Variants in CYP4F12 observed in about 807,000 individuals in gnomAD.
CYP4F12 encodes cytochrome P450 4F12.
CYP4F12 carries 60 observed loss-of-function variants against 56.5 expected under a neutral mutation model. That is an observed-to-expected ratio of 1.06 (90% CI 0.86 to 1.32). The LOEUF (loss-of-function observed/expected upper bound fraction) is 1.32, where lower values mean the gene tolerates loss of function less well. Among genes scored for constraint, CYP4F12 ranks in the 40% most tolerant of loss-of-function variants. The pLI is 0.00. For synonymous variants in CYP4F12, 263 were observed against 264.9 expected, an observed-to-expected ratio of 0.99 and a Z score of 0.07; for missense variants, 711 against 683.5, an observed-to-expected ratio of 1.04 and a Z score of -0.45.
chr19:15,696,547 T>C, intron 12 of CYP4F12, 35 bp downstream of exon 12: 2 of 1,604,240 alleles, frequency 1.2e-6, no homozygotes, highest in African/African-American at 1.3e-5. Flanking sequence ...AGGGATGGGA[T>C]GATGGGTGCG....
Position 15,678,293 on chromosome 19 carries a change from G to T in CYP4F12, c.231G>T (p.Ser77=), listed in dbSNP as rs372064722. ...ITPTEEGLKN[S]TQMSATYSQG... The stretch of plus-strand genomic sequence containing the variant: ...CTACAGAGGAGGGCTTGAAGAACTC[G>T]ACCCAGATGTCGGCCACCTATTCCC... Residue 77 remains serine (S), a synonymous_variant, in exon 3 of 13, where the codon TCG becomes TCT. Transcript: ENST00000550308. 17 of 1,614,046 alleles carry T rather than the reference G, an allele frequency of 1.1e-5. 1 individual carries two copies. The South Asian group carries it at 1.3e-4, about 13-fold the overall frequency.
At chr19:15,683,357 C>T (rs928936044) in intron 6 of CYP4F12, 136 bp from the exon 7 acceptor site, 9 of 894,756 alleles carry the variant, frequency 1.0e-5, no homozygotes, top group African/African-American at 1.7e-5. Context: ...CTGATACCCA[C>T]CATGTATCTC....
intron 1 of CYP4F12, 70 bp from the exon 2 acceptor site, chr19:15,673,459 C>G (rs2006724636): frequency 6.6e-7 from 1 of 1,513,732 alleles, no homozygotes; most frequent in Admixed American, 1.7e-5. Context: ...CTGACTTCGC[C>G]CCTATACACT....
At chr19:15,693,792 G>C (rs1299524460) in intron 9 of CYP4F12, among the ~76,000 whole-genome samples, 1 of 148,282 alleles carries the variant, frequency 6.7e-6, no homozygotes, top group South Asian at 2.1e-4. Context: ...GTAATGCCTC[G>C]GTTTTCTTCT....
chr19:15,682,596 A>C, intron 6 of CYP4F12, 86 bp downstream of exon 6: 1 of 1,578,448 alleles, frequency 6.3e-7, no homozygotes, highest in South Asian at 1.1e-5. Context: ...AGTAACCAGA[A>C]GTACCTTTCG....
In CYP4F12 at chr19:15,696,183, T is replaced by A; in HGVS notation, c.1272T>A (p.Ile424=). 6.2e-7 allele frequency: 1 copy of A among 1,614,046 alleles called. No individual in the cohort carries two copies. Among genetic ancestry groups the A allele is most frequent in the South Asian group, 1.1e-5 (1 of 91,064 alleles). Residue 424 remains isoleucine, a synonymous_variant, in exon 11 of 13, where the codon ATT becomes ATA. Transcript: ENST00000550308. ...IPKGITCLID[I]IGVHHNPTVW... ...CAGGCATTACCTGCCTCATCGATATTATAGGGGTCCATCACAACCCAACTG... is the reference window on the plus strand; with the variant it reads ...CAGGCATTACCTGCCTCATCGATATAATAGGGGTCCATCACAACCCAACTG...
intron 2 of CYP4F12, among the ~76,000 whole-genome samples, chr19:15,676,047 T>A (rs1432929036): frequency 6.6e-6 from 1 of 152,072 alleles, no homozygotes; most frequent in African/African-American, 2.4e-5. Context: ...AAGGCCTGAG[T>A]CCCTGGAGTT....
In CYP4F12 at chr19:15,682,284, G is replaced by A. The variant is rs1459855445; in HGVS notation, c.526-105G>A. ...GCTGGCAATGGGTTCCTGGGGCAGA[G>A]GACCAGGAGGCTGGTTGTGGGGGAG... On this transcript the variant is annotated intron_variant, in intron 5 of 12. Transcript: ENST00000550308. The A allele has an allele frequency of 6.7e-6, 10 of 1,491,844 alleles. No individual in the cohort carries two copies. In the Admixed American group the frequency reaches 8.3e-5, roughly 12 times the overall value. The allele number at this position is 1,491,844 out of a possible 1,614,324, so 92.4% of individuals were successfully genotyped here. A position where few individuals can be genotyped will look rare whatever the true frequency, so the allele number is the denominator to read the frequency against.
Position 15,678,338 on chromosome 19 carries a change from G to A in CYP4F12, c.276G>A (p.Leu92=). 1 of 1,614,174 alleles carries A rather than the reference G, an allele frequency of 6.2e-7. No homozygotes were observed. Among genetic ancestry groups the A allele is most frequent in the Non-Finnish European group, 8.5e-7 (1 of 1,180,024 alleles). Residue 92 remains leucine (L), a synonymous_variant, in exon 3 of 13, where the codon CTG becomes CTA. Coordinates refer to ENST00000550308, the MANE Select transcript of CYP4F12 (RefSeq NM_023944.4). The stretch of plus-strand genomic sequence containing the variant: ...ATTCCCAGGGCTTTACGGTATGGCT[G>A]GGTCCCATCATCCCCTTCATCGTTT... ...ATYSQGFTVW[L]GPIIPFIVLC... is the part of the protein sequence containing the mutation.
intron 9 of CYP4F12, among the ~76,000 whole-genome samples, chr19:15,689,142 T>TC (rs2007756699): frequency 6.6e-6 from 1 of 151,648 alleles, no homozygotes; most frequent in Non-Finnish European, 1.5e-5. Flanking sequence ...ATAATAATAA[T>TC]AATAGCCGAC....
chr19:15,677,310 A>C (rs1367944683), intron 2 of CYP4F12, among the ~76,000 whole-genome samples: 4 of 8,126 alleles, frequency 4.9e-4, no homozygotes, highest in African/African-American at 8.2e-4. Flanking sequence ...TCCTCTGCTC[A>C]CTTAGTCATT....
At chr19:15,692,837 G>A (rs2007934136) in intron 9 of CYP4F12, among the ~76,000 whole-genome samples, 2 of 152,104 alleles carry the variant, frequency 1.3e-5, no homozygotes. Flanking sequence ...ACTTTGTGAG[G>A]CCAAGGTGGG....
chr19:15,695,157 G>A (rs1423933423), intron 9 of CYP4F12, among the ~76,000 whole-genome samples: 1 of 152,002 alleles, frequency 6.6e-6, no homozygotes, highest in Non-Finnish European at 1.5e-5. Flanking sequence ...ATACACCATG[G>A]AATACTATGC....
chr19:15,685,145 C>T lies in CYP4F12; in HGVS notation c.1063C>T (p.Arg355Ter), dbSNP rs201457952. 6.9e-5 allele frequency: 111 copies of T among 1,614,034 alleles called. No homozygotes were observed. The highest frequency in any genetic ancestry group is 8.1e-5 in the Non-Finnish European group (95 of 1,180,014). The change falls in exon 9 of 13, where the codon CGA becomes TGA. Residue 355 changes from arginine (R) to a stop codon, truncating the protein, a stop_gained. Coordinates refer to ENST00000550308, the MANE Select transcript of CYP4F12 (RefSeq NM_023944.4). LOFTEE classifies it high-confidence loss of function. ...ARHPEYQERC[R>*]QEVQELLKDR... is the part of the protein sequence containing the mutation. ...GCACCCAGAATACCAGGAGCGCTGC[C>T]GACAGGAGGTGCAAGAGCTTCTGAA...
chr19:15,679,441 C>A (rs10426695), intron 3 of CYP4F12, among the ~76,000 whole-genome samples: 137,763 of 152,204 alleles, frequency 0.91, 62,300 homozygotes, highest in East Asian at 1. Context: ...AGTTCTTGTC[C>A]GAAAGCTCAC....
At chr19:15,694,170 G>A (rs558114132) in intron 9 of CYP4F12, among the ~76,000 whole-genome samples, 134 of 150,674 alleles carry the variant, frequency 8.9e-4, no homozygotes, top group Non-Finnish European at 1.3e-3. Flanking sequence ...TTGGCGATGC[G>A]GGCTCCTTTT....
intron 6 of CYP4F12, 137 bp downstream of exon 6, chr19:15,682,647 G>T: frequency 7.5e-7 from 1 of 1,339,270 alleles, no homozygotes; most frequent in Admixed American, 2.0e-5. Context: ...GGTCGAGGAA[G>T]AGGAGAAAGT....
chr19:15,684,463 T>G, intron 7 of CYP4F12: 1 of 236,322 alleles, frequency 4.2e-6, no homozygotes, highest in Non-Finnish European at 8.1e-6. Flanking sequence ...CAATACATAA[T>G]TTCTAACCTC....
At chr19:15,680,795 C>T (rs1599956924) in intron 5 of CYP4F12, 4 of 473,760 alleles carry the variant, frequency 8.4e-6, no homozygotes, top group East Asian at 8.8e-5. Flanking sequence ...GTGTAGTAGT[C>T]ATTGCTGATT....
Sources: gnomAD v4.1 joint callset for allele counts (sites outside exome capture counted in the v4.1 genomes callset) on GRCh38, gnomAD v4.1.1 for gene constraint, MANE v1.5 for transcripts, NCBI Gene and HGNC (gene_info 2026-07-23, HGNC 2026-07-21) for gene names.